PGM5: variants seen among roughly 807,000 people sequenced by gnomAD.
The protein encoded by PGM5 is phosphoglucomutase 5.
In PGM5, 23 loss-of-function variants were observed where a neutral mutation model predicts 59.2. That is an observed-to-expected ratio of 0.39 (90% CI 0.28 to 0.55). PGM5 has a LOEUF of 0.55. PGM5 is among the 20% of genes least tolerant of loss of function. PGM5 has a pLI of 0.66. For missense variants in PGM5, 574 were observed against 748.3 expected (o/e 0.77, Z 2.72); for synonymous variants, 214 against 286.0 (o/e 0.75, Z 2.54).
intron 6 of PGM5, among the ~76,000 whole-genome samples, chr9:68,450,147 T>C (rs1272379380): frequency 6.6e-6 from 1 of 152,206 alleles, no homozygotes; most frequent in African/African-American, 2.4e-5. Flanking sequence ...AAATTGTGAA[T>C]AGAGATATAC....
intron 10 of PGM5, among the ~76,000 whole-genome samples, chr9:68,518,049 T>C (rs1824848019): frequency 6.6e-6 from 1 of 152,222 alleles, no homozygotes; most frequent in Admixed American, 6.5e-5. Flanking sequence ...ACAGTCTGCC[T>C]CTGCTAACCA....
chr9:68,442,457 T>G (rs1161933281), intron 6 of PGM5, among the ~76,000 whole-genome samples: 1 of 152,200 alleles, frequency 6.6e-6, no homozygotes, highest in African/African-American at 2.4e-5. Flanking sequence ...GAGATGGGGT[T>G]TCACCATGTT....
At position 68,435,887 on chromosome 9, in the gene PGM5, C is replaced by T. The variant is rs1410039674; in HGVS notation, c.1044-29206C>T. ...GACCACATCTGCCTTGTCACTCTTA[C>T]TGCCACAGTACCTGGCATTCTACCT... On this transcript the variant is annotated intron_variant, in intron 6 of 10. Transcript: ENST00000396396. Among the ~76,000 whole-genome samples the T allele has an allele frequency of 5.3e-5, 8 of 152,342 alleles. No individual in the cohort carries two copies. The East Asian group carries it at 1.5e-3, about 29-fold the overall frequency.
At chr9:68,473,088 C>T (rs782178427) in intron 7 of PGM5, among the ~76,000 whole-genome samples, 5 of 152,154 alleles carry the variant, frequency 3.3e-5, no homozygotes, top group Admixed American at 6.5e-5. Context: ...ATCAATCTAT[C>T]TATCAGTCTA....
chr9:68,448,699 C>T (rs572371860), intron 6 of PGM5, among the ~76,000 whole-genome samples: 1 of 152,170 alleles, frequency 6.6e-6, no homozygotes, highest in Non-Finnish European at 1.5e-5. Context: ...AATCAATAGG[C>T]ACCCCTCAAG....
At position 68,520,334 on chromosome 9, in the gene PGM5, GA is replaced by G. The variant is rs939325946; in HGVS notation, c.1615-9223del. On this transcript the variant is annotated intron_variant, in intron 10 of 10. Coordinates refer to ENST00000396396, the MANE Select transcript of PGM5 (RefSeq NM_021965.4). ...GACACAGTAGTTTTAAATTTATAAA[GA>G]AAAAAAAAAGAGGGAGAGAGAGATG... Among the ~76,000 whole-genome samples the G allele has an allele frequency of 1.0e-4, 14 of 139,950 alleles. 1 individual carries two copies. The highest frequency in any genetic ancestry group is 4.5e-4 in the South Asian group (2 of 4,424). The allele number at this position is 139,950 out of a possible 152,430, so 91.8% of individuals were successfully genotyped here. A position where few individuals can be genotyped will look rare whatever the true frequency, so the allele number is the denominator to read the frequency against.
At chr9:68,361,480 A>G (rs1349417383) in intron 1 of PGM5, among the ~76,000 whole-genome samples, 2 of 152,274 alleles carry the variant, frequency 1.3e-5, no homozygotes, top group Non-Finnish European at 2.9e-5. Flanking sequence ...AATACCAAAA[A>G]CTGGATGACT....
At chr9:68,500,797 T>C (rs1162761765) in intron 10 of PGM5, among the ~76,000 whole-genome samples, 1 of 152,182 alleles carries the variant, frequency 6.6e-6, no homozygotes, top group Non-Finnish European at 1.5e-5. Context: ...GGCTATTTTT[T>C]CCTCAACATT....
chr9:68,390,136 T>C (rs1554679326), intron 4 of PGM5, among the ~76,000 whole-genome samples: 1 of 152,104 alleles, frequency 6.6e-6, no homozygotes, highest in Admixed American at 6.6e-5. Flanking sequence ...TGCTGGGAGC[T>C]CTGAGCCTGC....
At chr9:68,486,504 G>A (rs1316336793) in intron 9 of PGM5, among the ~76,000 whole-genome samples, 7 of 152,110 alleles carry the variant, frequency 4.6e-5, no homozygotes, top group Non-Finnish European at 7.4e-5. Context: ...GCCTATTTGG[G>A]ACATTTTGTA....
Position 68,499,342 on chromosome 9 carries a change from G to T in PGM5, c.1595G>T (p.Gly532Val), listed in dbSNP as rs781911025. The change falls in exon 10 of 11, where the codon GGC becomes GTC. Residue 532 changes from glycine to valine, a missense_variant. By Grantham distance (109) the Gly-to-Val change is moderately radical. Around this residue, in one of 7 missense-constraint regions of PGM5, gnomAD observed 300 missense variants for 280.0 expected, o/e 1.07. Transcript: ENST00000396396. ...YAESYERDPS[G>V]HDQEPQAVLS... ...GAGAGCTACGAGAGGGATCCCAGCG[G>T]CCATGACCAGGAGCCACAGGTACAG... The T allele has an allele frequency of 6.2e-7, 1 of 1,614,088 alleles. No individual in the cohort carries two copies.
At chr9:68,379,799 G>T (rs1554678166) in intron 2 of PGM5, among the ~76,000 whole-genome samples, 1 of 152,026 alleles carries the variant, frequency 6.6e-6, no homozygotes, top group African/African-American at 2.4e-5. Context: ...GAGCAGGGAT[G>T]CCTATACTTA....
chr9:68,434,316 C>CAAAAAAA (rs71353054), intron 6 of PGM5, among the ~76,000 whole-genome samples: 68 of 90,790 alleles, frequency 7.5e-4, no homozygotes, highest in Non-Finnish European at 8.9e-4. Flanking sequence ...GACTCCGTCT[C>CAAAAAAA]AAAAAAAAAA....
At chr9:68,376,835 C>CTCTCTCTTTCTTTCTTTCT (rs1563984870) in intron 1 of PGM5, among the ~76,000 whole-genome samples, 1 of 58,598 alleles carries the variant, frequency 1.7e-5, no homozygotes, top group Non-Finnish European at 3.4e-5. Flanking sequence ...CTTTCTTTCT[C>CTCTCTCTTTCTTTCTTTCT]TTTCTTTCTT....
At chr9:68,447,360 G>A (rs2132067398) in intron 6 of PGM5, among the ~76,000 whole-genome samples, 1 of 152,200 alleles carries the variant, frequency 6.6e-6, no homozygotes, top group East Asian at 1.9e-4. Flanking sequence ...CCTCCTTAAG[G>A]TTTCAGTTTA....
At chr9:68,501,819 T>C (rs1421776253) in intron 10 of PGM5, among the ~76,000 whole-genome samples, 1 of 152,258 alleles carries the variant, frequency 6.6e-6, no homozygotes, top group Non-Finnish European at 1.5e-5. Flanking sequence ...TATTTTACTT[T>C]GGCCATGGAT....
At chr9:68,382,901 T>A (rs1307801661) in intron 2 of PGM5, among the ~76,000 whole-genome samples, 1 of 151,934 alleles carries the variant, frequency 6.6e-6, no homozygotes, top group African/African-American at 2.4e-5. Flanking sequence ...TTGAAAATGA[T>A]GGACACAGCC....
intron 9 of PGM5, among the ~76,000 whole-genome samples, chr9:68,486,507 A>AT (rs1824298714): frequency 6.6e-6 from 1 of 152,206 alleles, no homozygotes; most frequent in Non-Finnish European, 1.5e-5. Context: ...TATTTGGGAC[A>AT]TTTTGTATAA....
intron 9 of PGM5, among the ~76,000 whole-genome samples, chr9:68,493,180 A>G (rs570706299): frequency 2.6e-5 from 4 of 152,330 alleles, no homozygotes; most frequent in Non-Finnish European, 5.9e-5. Context: ...TGGCTACAAC[A>G]TGTCCTACAG....
Sources: gnomAD v4.1 joint callset for allele counts (sites outside exome capture counted in the v4.1 genomes callset) on GRCh38, gnomAD v4.1.1 for gene constraint, gnomAD v4.1.1 regional missense constraint, MANE v1.5 for transcripts, NCBI Gene and HGNC (gene_info 2026-07-23, HGNC 2026-07-21) for gene names.